The following TGFBR3 variants were observed in gnomAD, a reference collection of about 807,000 sequenced individuals.
TGFBR3 encodes the protein transforming growth factor beta receptor 3.
Under a neutral mutation model 87.9 loss-of-function variants are expected in TGFBR3, and 46 were observed. That is an observed-to-expected ratio of 0.52 (90% confidence interval 0.41 to 0.67). The LOEUF (loss-of-function observed/expected upper bound fraction) is 0.67, where lower values mean the gene tolerates loss of function less well. TGFBR3 is among the 30% of genes least tolerant of loss of function. The pLI, the probability that TGFBR3 is intolerant of heterozygous loss-of-function variation, is 0.00. For synonymous variants in TGFBR3, 381 were observed against 391.6 expected (o/e 0.97, Z 0.32); for missense variants, 866 against 1,041.9 (o/e 0.83, Z 2.32).
At chr1:91,692,820 T>C (rs1305606057) in intron 16 of TGFBR3, among the ~76,000 whole-genome samples, 5 of 152,202 alleles carry the variant, frequency 3.3e-5, no homozygotes, top group Non-Finnish European at 7.3e-5. Flanking sequence ...TAAGTAGATA[T>C]CCACAATCCA....
intron 4 of TGFBR3, among the ~76,000 whole-genome samples, chr1:91,750,811 T>C (rs1278558500): frequency 6.6e-6 from 1 of 152,184 alleles, no homozygotes; most frequent in Non-Finnish European, 1.5e-5. Flanking sequence ...CCTTGACCCA[T>C]TTGCCACATG....
chr1:91,822,104 TTATGTGACC>T lies in TGFBR3; in HGVS notation c.62-24642_62-24634del, dbSNP rs1038186276. Among the ~76,000 whole-genome samples, 28 of 152,136 alleles carry T rather than the reference TTATGTGACC, an allele frequency of 1.8e-4. 1 individual carries two copies. Among genetic ancestry groups the T allele is most frequent in the African/African-American group, 6.7e-4 (28 of 41,490 alleles). On this transcript the variant is annotated intron_variant, in intron 2 of 16. Transcript: ENST00000212355. ...AGCAGAGCTTTGGCAATAGTGTGAC[TTATGTGACC>T]TATTACCATATGGGGTAAGAGGCAA... is the stretch of plus-strand genomic sequence containing the variant.
In TGFBR3 at chr1:91,680,740, A is replaced by G; in HGVS notation, c.*2999T>C. 2.2e-6 allele frequency: 1 copy of G among 454,114 alleles called. No homozygotes were observed. Among genetic ancestry groups the G allele is most frequent in the Non-Finnish European group, 4.4e-6 (1 of 226,780 alleles). The allele number at this position is 454,114 out of a possible 1,614,324, so 28.1% of individuals were successfully genotyped here. On this transcript the variant is annotated 3_prime_UTR_variant, in exon 17 of 17. Transcript: ENST00000212355. Reference sequence around the variant, plus strand: ...CAGTACAATCATCATTCAAACCATGAGGTAGTTACAGTACAAAAAGACTGG... The same window carrying G: ...CAGTACAATCATCATTCAAACCATGGGGTAGTTACAGTACAAAAAGACTGG...
intron 5 of TGFBR3, among the ~76,000 whole-genome samples, chr1:91,730,963 G>GCA (rs1229893345): frequency 6.6e-6 from 1 of 152,220 alleles, no homozygotes; most frequent in African/African-American, 2.4e-5. Context: ...TCCCACAACG[G>GCA]CACATGCCAT....
chr1:91,781,114 T>A (rs2100964854), intron 3 of TGFBR3, among the ~76,000 whole-genome samples: 1 of 152,330 alleles, frequency 6.6e-6, no homozygotes, highest in Admixed American at 6.5e-5. Flanking sequence ...ACCCATGGCC[T>A]ATGATAGTCT....
chr1:91,826,072 C>T (rs1208954158), intron 2 of TGFBR3, among the ~76,000 whole-genome samples: 2 of 151,940 alleles, frequency 1.3e-5, no homozygotes, highest in Non-Finnish European at 2.9e-5. Context: ...TTTGCTGAAA[C>T]CCATATTAAG....
intron 10 of TGFBR3, among the ~76,000 whole-genome samples, chr1:91,718,256 T>C (rs968792850): frequency 1.3e-5 from 2 of 152,204 alleles, no homozygotes; most frequent in African/African-American, 4.8e-5. Flanking sequence ...AGAAGCTGAA[T>C]AAGCTCATCT....
At position 91,701,487 on chromosome 1, in the gene TGFBR3, G is replaced by A. The variant is rs551171206; in HGVS notation, c.2288-3357C>T. ...TAAGAAAGGAATCTTAGCTATTGCT[G>A]TAAAGAGAACTGTAACAATAAAGAT... On this transcript the variant is annotated intron_variant, in intron 14 of 16. Transcript: ENST00000212355. Among the ~76,000 whole-genome samples, 61 of 152,270 alleles carry A rather than the reference G, an allele frequency of 4.0e-4. No individual in the cohort carries two copies. The South Asian group carries it at 0.012, about 29-fold the overall frequency.
chr1:91,839,779 T>A (rs1677199143), intron 2 of TGFBR3, among the ~76,000 whole-genome samples: 1 of 152,186 alleles, frequency 6.6e-6, no homozygotes. Flanking sequence ...AGATCCTGGG[T>A]TGGATTCTGG....
intron 5 of TGFBR3, among the ~76,000 whole-genome samples, chr1:91,733,418 C>A (rs188901033): frequency 2.0e-5 from 3 of 152,288 alleles, no homozygotes; most frequent in South Asian, 2.1e-4. Flanking sequence ...GTGGGATGCA[C>A]GTGAAGGCCC....
At chr1:91,890,294 T>C (rs1311731507), upstream of TGFBR3, among the ~76,000 whole-genome samples, 4 of 152,054 alleles carry the variant, frequency 2.6e-5, no homozygotes, top group Non-Finnish European at 5.9e-5. Flanking sequence ...TTTAGTGGCA[T>C]GTCTCCAGAT....
chr1:91,710,000 G>A (rs369386002), intron 13 of TGFBR3, among the ~76,000 whole-genome samples: 2 of 152,108 alleles, frequency 1.3e-5, no homozygotes, highest in Non-Finnish European at 2.9e-5. Flanking sequence ...AAGCTGCCAA[G>A]CTCAGCCTCC....
chr1:91,682,181 T>A lies in TGFBR3; in HGVS notation c.*1558A>T. 1 of 454,122 alleles carries A rather than the reference T, an allele frequency of 2.2e-6. No individual in the cohort carries two copies. Among genetic ancestry groups the A allele is most frequent in the South Asian group, 1.6e-5 (1 of 64,480 alleles). 28.1% of individuals were successfully genotyped at this position (454,122 alleles called of 1,614,324 possible). ...AGACACTGCCCTAAGGTTTTAAGCT[T>A]CATCAGGATTACCTACTGAGGTTCC... On this transcript the variant is annotated 3_prime_UTR_variant, in exon 17 of 17. Transcript: ENST00000212355.
intron 7 of TGFBR3, among the ~76,000 whole-genome samples, chr1:91,725,318 T>G (rs1672511759): frequency 6.6e-6 from 1 of 152,202 alleles, no homozygotes; most frequent in South Asian, 2.1e-4. Context: ...ATTCCCTTAG[T>G]AGACATCTTT....
At position 91,690,770 on chromosome 1, in the gene TGFBR3, T is replaced by C. The variant is rs1323174713; in HGVS notation, c.2437+4902A>G. On this transcript the variant is annotated intron_variant, in intron 16 of 16. Coordinates refer to ENST00000212355, the MANE Select transcript of TGFBR3 (RefSeq NM_003243.5). Reference sequence around the variant, plus strand: ...TCAAGCAGGAGGCAAAAAAACATATTTTATGGAAGCCTGAAGAGCTAAAGA... The same window carrying C: ...TCAAGCAGGAGGCAAAAAAACATATCTTATGGAAGCCTGAAGAGCTAAAGA... Among the ~76,000 whole-genome samples, 3 of 152,168 alleles carry C rather than the reference T, an allele frequency of 2.0e-5. 1 individual carries two copies. Among genetic ancestry groups the C allele is most frequent in the African/African-American group, 7.2e-5 (3 of 41,530 alleles).
rs374069443 is a variant in TGFBR3, at chr1:91,682,857, T to C, written c.*882A>G. 4.4e-6 allele frequency: 2 copies of C among 453,362 alleles called. No homozygotes were observed. Among genetic ancestry groups the C allele is most frequent in the South Asian group, 1.6e-5 (1 of 64,460 alleles). 28.1% of individuals were successfully genotyped at this position (453,362 alleles called of 1,614,324 possible). A position where few individuals can be genotyped will look rare whatever the true frequency, so the allele number is the denominator to read the frequency against. ...TTATATACTTGTACTTGCATACACA[T>C]AGAAATATATCACTGTGCAAATTCG... On this transcript the variant is annotated 3_prime_UTR_variant, in exon 17 of 17. Transcript: ENST00000212355.
At chr1:91,787,956 A>AAAAAAAAAAAAAAAAAAAAAAAAAAAAC (rs906528422) in intron 3 of TGFBR3, among the ~76,000 whole-genome samples, 1 of 150,068 alleles carries the variant, frequency 6.7e-6, no homozygotes, top group African/African-American at 2.5e-5. Context: ...AAAAAAAAAA[A>AAAAAAAAAAAAAAAAAAAAAAAAAAAAC]CCCCAAGAAG....
intron 2 of TGFBR3, chr1:91,801,124 C>A: frequency 5.1e-6 from 1 of 197,912 alleles, no homozygotes; most frequent in South Asian, 7.0e-5. Flanking sequence ...AGACTGCTCC[C>A]ATTTATTAAG....
At chr1:91,891,583 C>T (rs1679449311) in intron 2 of TGFBR3, among the ~76,000 whole-genome samples, 1 of 152,054 alleles carries the variant, frequency 6.6e-6, no homozygotes, top group African/African-American at 2.4e-5. Flanking sequence ...TACCCCACCA[C>T]CACCACATAA....
Sources: allele counts gnomAD v4.1 joint callset (sites outside exome capture counted in the v4.1 genomes callset), GRCh38; gene constraint gnomAD v4.1.1; transcripts MANE v1.5; gene names NCBI Gene and HGNC (gene_info 2026-07-23, HGNC 2026-07-21).